Variants in ZBTB16 observed in about 807,000 individuals in gnomAD.
ZBTB16 encodes zinc finger and BTB domain-containing protein 16.
Under a neutral mutation model 56.8 loss-of-function variants are expected in ZBTB16, and 8 were observed. The observed-to-expected ratio is 0.14, with a 90% CI of 0.08 to 0.25. The LOEUF (loss-of-function observed/expected upper bound fraction) is 0.25. Ranked by LOEUF, ZBTB16 falls within the 10% of genes least tolerant of loss-of-function variation. ZBTB16 has a pLI of 1.00. For synonymous variants in ZBTB16, 363 were observed against 368.5 expected (o/e 0.98, Z 0.17); for missense variants, 625 against 903.0 (o/e 0.69, Z 3.95).
intron 4 of ZBTB16, among the ~76,000 whole-genome samples, chr11:114,219,681 A>G (rs562438194): frequency 6.6e-6 from 1 of 152,302 alleles, no homozygotes; most frequent in East Asian, 1.9e-4. Flanking sequence ...AGTCTTTTAA[A>G]CAGTCAGAGG....
intron 2 of ZBTB16, among the ~76,000 whole-genome samples, chr11:114,087,985 G>C (rs1006697154): frequency 6.6e-6 from 1 of 151,966 alleles, no homozygotes; most frequent in Non-Finnish European, 1.5e-5. Context: ...TCTGGTCATC[G>C]CAACAGGGCC....
chr11:114,163,797 T>G (rs1193961822), intron 3 of ZBTB16, among the ~76,000 whole-genome samples: 2 of 152,160 alleles, frequency 1.3e-5, no homozygotes, highest in African/African-American at 4.8e-5. Flanking sequence ...CAGCATCTCC[T>G]CCCACCCCGC....
intron 2 of ZBTB16, among the ~76,000 whole-genome samples, chr11:114,124,382 C>T (rs1352370295): frequency 6.6e-6 from 1 of 151,878 alleles, no homozygotes; most frequent in Non-Finnish European, 1.5e-5. Context: ...AAATGCTTCT[C>T]CCACCCTCTA....
In ZBTB16 at chr11:114,064,753, G is replaced by A. The variant is rs918066260; in HGVS notation, c.1268+185G>A. 2.6e-5 allele frequency among the ~76,000 whole-genome samples: 4 copies of A among 152,124 alleles called. No individual in the cohort carries two copies. Among genetic ancestry groups the A allele is most frequent in the African/African-American group, 9.7e-5 (4 of 41,416 alleles). On this transcript the variant is annotated intron_variant, in intron 2 of 6. Transcript: ENST00000335953. This position sits in a 1 kb window ranked among gnomAD's most constrained non-coding sequence, Gnocchi z 4.2. ...CAGGTTTTTTAAAGTGTAGTGAGGG[G>A]GCCTAGGATCTTTCCAAAAAGCACC...
chr11:114,173,654 G>A (rs1943030988), intron 3 of ZBTB16, among the ~76,000 whole-genome samples: 1 of 152,180 alleles, frequency 6.6e-6, no homozygotes, highest in South Asian at 2.1e-4. Context: ...GACTATAAGG[G>A]GCACAAGAAG....
At chr11:114,150,518 A>G (rs1413639647) in intron 2 of ZBTB16, among the ~76,000 whole-genome samples, 1 of 152,212 alleles carries the variant, frequency 6.6e-6, no homozygotes, top group East Asian at 1.9e-4. Context: ...TGGACTGAAT[A>G]TGGAAACACT....
At chr11:114,089,513 G>A (rs923926241) in intron 2 of ZBTB16, among the ~76,000 whole-genome samples, 7 of 152,114 alleles carry the variant, frequency 4.6e-5, no homozygotes, top group African/African-American at 1.4e-4. Context: ...AATGATCCAC[G>A]ATGTTTAATA....
At chr11:114,210,904 A>G (rs903671625) in intron 4 of ZBTB16, 2 of 198,410 alleles carry the variant, frequency 1.0e-5, no homozygotes, top group Admixed American at 1.2e-4. Flanking sequence ...AACTATTCAG[A>G]TGATATGTTG....
intron 3 of ZBTB16, among the ~76,000 whole-genome samples, chr11:114,168,348 T>C (rs1053091884): frequency 2.0e-5 from 3 of 152,166 alleles, no homozygotes; most frequent in Non-Finnish European, 2.9e-5. Flanking sequence ...TGTTGCATCC[T>C]CACAGCGGGA....
intron 2 of ZBTB16, among the ~76,000 whole-genome samples, chr11:114,087,859 AC>A (rs1168161644): frequency 6.6e-6 from 1 of 152,182 alleles, no homozygotes; most frequent in African/African-American, 2.4e-5. Context: ...GAAGGCAGGG[AC>A]CATCTTTTTC....
At chr11:114,166,718 TTC>T (rs1210913548) in intron 3 of ZBTB16, among the ~76,000 whole-genome samples, 1 of 152,170 alleles carries the variant, frequency 6.6e-6, no homozygotes, top group Non-Finnish European at 1.5e-5. Context: ...GGTGGTGTGT[TTC>T]TACCTTTTGG....
intron 4 of ZBTB16, among the ~76,000 whole-genome samples, chr11:114,229,705 G>A (rs974186643): frequency 6.6e-6 from 1 of 152,004 alleles, no homozygotes; most frequent in Non-Finnish European, 1.5e-5. Flanking sequence ...TATTTTCAAA[G>A]ATACCTGTGA....
At chr11:114,164,187 C>T (rs1388723426) in intron 3 of ZBTB16, among the ~76,000 whole-genome samples, 1 of 152,164 alleles carries the variant, frequency 6.6e-6, no homozygotes, top group Non-Finnish European at 1.5e-5. Context: ...TTTTTCCCCC[C>T]TCAGAGAGGA....
chr11:114,235,667 T>C (rs1439424002), intron 4 of ZBTB16, among the ~76,000 whole-genome samples: 9 of 23,700 alleles, frequency 3.8e-4, no homozygotes, highest in African/African-American at 9.7e-4. Context: ...TCTTTCTTTC[T>C]TTCTTTCTTT....
At chr11:114,124,064 C>G (rs996816821) in intron 2 of ZBTB16, among the ~76,000 whole-genome samples, 1 of 133,114 alleles carries the variant, frequency 7.5e-6, no homozygotes, top group African/African-American at 2.7e-5. Context: ...TTTAAGGTCA[C>G]TCTGCTTTGC....
chr11:114,164,939 G>A (rs950383535), intron 3 of ZBTB16, among the ~76,000 whole-genome samples: 15 of 151,626 alleles, frequency 9.9e-5, no homozygotes, highest in South Asian at 2.1e-4. Context: ...TGTCAGCCTC[G>A]GCCTTTTCTT....
In ZBTB16 at chr11:114,252,583, G is replaced by A. The variant is rs1944935354; in HGVS notation, c.*2028G>A. ...ATTTGCAATATTCGTGTTTGCTTTG[G>A]GACGGACCCTCCGTTTCATCTCATG... On this transcript the variant is annotated 3_prime_UTR_variant, in exon 7 of 7. Transcript: ENST00000335953. 6.6e-6 allele frequency among the ~76,000 whole-genome samples: 1 copy of A among 152,048 alleles called. No homozygotes were observed. The highest frequency in any genetic ancestry group is 2.1e-4 in the South Asian group (1 of 4,832).
chr11:114,134,148 A>G (rs920367929), intron 2 of ZBTB16, among the ~76,000 whole-genome samples: 12 of 152,170 alleles, frequency 7.9e-5, no homozygotes, highest in Non-Finnish European at 1.3e-4. Flanking sequence ...TCCACACTTA[A>G]TTTAGTAGGA....
chr11:114,221,664 G>A (rs1181430459), intron 4 of ZBTB16, among the ~76,000 whole-genome samples: 4 of 152,032 alleles, frequency 2.6e-5, no homozygotes, highest in African/African-American at 7.2e-5. Context: ...GGTGACTTGG[G>A]GGTTGTTTCT....
Sources: allele counts gnomAD v4.1 joint callset (sites outside exome capture counted in the v4.1 genomes callset), GRCh38; gene constraint gnomAD v4.1.1; non-coding constraint Gnocchi (gnomAD v3.1); transcripts MANE v1.5; gene names NCBI Gene and HGNC (gene_info 2026-07-23, HGNC 2026-07-21).